The following GALNT13 variants were observed in gnomAD, a reference collection of about 807,000 sequenced individuals.
GALNT13 encodes the protein UDP-GalNAc:polypeptide N-acetylgalactosaminyltransferase 13.
GALNT13 carries 28 observed loss-of-function variants against 64.2 expected under a neutral mutation model. The observed-to-expected ratio is 0.44, with a 90% CI of 0.32 to 0.60. GALNT13 has a LOEUF of 0.60. GALNT13 is among the 20% of genes least tolerant of loss of function. GALNT13 has a pLI of 0.05. For missense variants in GALNT13, 577 were observed against 669.8 expected (o/e 0.86, Z 1.53); for synonymous variants, 214 against 224.6 (o/e 0.95, Z 0.42).
chr2:153,166,351 T>C, the GALNT13 span, among the ~76,000 whole-genome samples: 2 of 152,148 alleles, frequency 1.3e-5, no homozygotes, highest in Admixed American at 1.3e-4. Flanking sequence ...AATTTCCTGG[T>C]TTTGAAGAAG....
At chr2:153,253,960 T>G in the GALNT13 span, among the ~76,000 whole-genome samples, 2 of 152,230 alleles carry the variant, frequency 1.3e-5, no homozygotes, top group African/African-American at 2.4e-5. Context: ...CCGGCTTTAG[T>G]ATCAGGATGA....
chr2:153,964,900 T>G (rs1289152607), intron 3 of GALNT13, among the ~76,000 whole-genome samples: 1 of 152,156 alleles, frequency 6.6e-6, no homozygotes, highest in African/African-American at 2.4e-5. Context: ...ACACAATATT[T>G]TATCATATGT....
At chr2:153,746,978 T>C in the GALNT13 span, among the ~76,000 whole-genome samples, 6 of 152,266 alleles carry the variant, frequency 3.9e-5, no homozygotes, top group South Asian at 1.0e-3. Flanking sequence ...TTTTATGTAA[T>C]TCGATATGAG....
At chr2:153,318,583 G>C in the GALNT13 span, among the ~76,000 whole-genome samples, 3 of 143,080 alleles carry the variant, frequency 2.1e-5, no homozygotes, top group African/African-American at 4.9e-5. Flanking sequence ...GAGACAGAAT[G>C]AATGAAATTA....
the GALNT13 span, among the ~76,000 whole-genome samples, chr2:153,095,688 C>T: frequency 6.6e-6 from 1 of 152,186 alleles, no homozygotes; most frequent in Admixed American, 6.6e-5. Context: ...ACATATACAC[C>T]ATGGAATACT....
chr2:153,766,678 C>A, the GALNT13 span, among the ~76,000 whole-genome samples: 1 of 151,992 alleles, frequency 6.6e-6, no homozygotes, highest in Non-Finnish European at 1.5e-5. Context: ...CCATTATATT[C>A]TTTATCTCTA....
intron 3 of GALNT13, among the ~76,000 whole-genome samples, chr2:154,073,542 G>A (rs1186785686): frequency 1.3e-5 from 2 of 151,844 alleles, no homozygotes; most frequent in Non-Finnish European, 1.5e-5. Context: ...TTTTCATATT[G>A]CATTTGAAAT....
the GALNT13 span, among the ~76,000 whole-genome samples, chr2:153,154,526 G>T: frequency 6.6e-6 from 1 of 152,064 alleles, no homozygotes; most frequent in Admixed American, 6.5e-5. Flanking sequence ...ATGGAAGTTT[G>T]TTCCTGATTT....
At chr2:154,016,406 C>G (rs1288594927) in intron 3 of GALNT13, among the ~76,000 whole-genome samples, 1 of 151,978 alleles carries the variant, frequency 6.6e-6, no homozygotes, top group African/African-American at 2.4e-5. Flanking sequence ...TTATATTGTA[C>G]TAGATTGTGT....
intron 4 of GALNT13, among the ~76,000 whole-genome samples, chr2:154,212,813 A>G (rs958637403): frequency 5.3e-5 from 8 of 152,044 alleles, no homozygotes; most frequent in Non-Finnish European, 1.2e-4. Context: ...AGTGAAGGTA[A>G]TATAATCCCT....
chr2:154,021,932 A>G (rs1161216431), intron 3 of GALNT13, among the ~76,000 whole-genome samples: 2 of 152,028 alleles, frequency 1.3e-5, no homozygotes, highest in Admixed American at 1.3e-4. Flanking sequence ...ATTTTGTCAA[A>G]GGCCTTTTCT....
the GALNT13 span, among the ~76,000 whole-genome samples, chr2:153,568,945 G>A: frequency 9.9e-5 from 15 of 152,104 alleles, no homozygotes; most frequent in Admixed American, 5.9e-4. Context: ...ATTAAAAGAG[G>A]TTTATAGCCC....
intron 3 of GALNT13, among the ~76,000 whole-genome samples, chr2:153,954,785 T>A (rs988521433): frequency 3.9e-5 from 6 of 152,108 alleles, no homozygotes; most frequent in Admixed American, 6.5e-5. Context: ...TCCCCAAGGT[T>A]ACAAACCTCT....
chr2:154,263,030 G>C (rs1690785735), intron 8 of GALNT13, among the ~76,000 whole-genome samples: 2 of 152,102 alleles, frequency 1.3e-5, no homozygotes, highest in Admixed American at 1.3e-4. Context: ...GCATTCCCAA[G>C]AGTACAGATC....
chr2:153,467,124 G>A, the GALNT13 span, among the ~76,000 whole-genome samples: 7 of 152,084 alleles, frequency 4.6e-5, 1 homozygote, highest in African/African-American at 1.7e-4. Context: ...TAATGAAAAT[G>A]ATTTAAGCAA....
the GALNT13 span, among the ~76,000 whole-genome samples, chr2:153,608,735 A>G: frequency 6.8e-6 from 1 of 147,800 alleles, no homozygotes; most frequent in Non-Finnish European, 1.5e-5. Flanking sequence ...TGTATAACTT[A>G]TATAAATATG....
chr2:153,095,305 C>T, the GALNT13 span, among the ~76,000 whole-genome samples: 6 of 152,114 alleles, frequency 3.9e-5, no homozygotes, highest in Non-Finnish European at 7.3e-5. Context: ...TCATCACTGG[C>T]CATCAGAGAA....
intron 3 of GALNT13, among the ~76,000 whole-genome samples, chr2:154,020,721 A>T (rs1697397945): frequency 6.7e-6 from 1 of 149,662 alleles, no homozygotes; most frequent in Admixed American, 6.6e-5. Context: ...CCCATTTGTC[A>T]ATTTTGGCTT....
At chr2:153,173,470 T>A in the GALNT13 span, 1 of 152,222 alleles carries the variant, frequency 6.6e-6, no homozygotes, top group South Asian at 2.1e-4. Flanking sequence ...ATCAATCTAA[T>A]CCCTGCCTCT....
Sources: gnomAD v4.1 joint callset for allele counts (sites outside exome capture counted in the v4.1 genomes callset) on GRCh38, gnomAD v4.1.1 for gene constraint, MANE v1.5 for transcripts, NCBI Gene and HGNC (gene_info 2026-07-23, HGNC 2026-07-21) for gene names.